TF: variants seen among roughly 807,000 people sequenced by gnomAD.
TF encodes serotransferrin.
TF carries 55 observed loss-of-function variants against 82.4 expected under a neutral mutation model. The ratio of observed to expected loss-of-function variants is 0.67; its 90% CI spans 0.54 to 0.84. TF has a LOEUF of 0.84. Ranked by LOEUF, TF falls within the 40% of genes least tolerant of loss-of-function variation. The probability of loss-of-function intolerance (pLI) is 0.00; values close to 1 mark genes in which losing one functional copy is unlikely to be tolerated. For synonymous variants in TF, 332 were observed against 332.6 expected (o/e 1.00, Z 0.02); for missense variants, 737 against 868.4 (o/e 0.85, Z 1.90).
the TF span, among the ~76,000 whole-genome samples, chr3:133,673,726 C>T: frequency 1.3e-5 from 2 of 151,934 alleles, no homozygotes; most frequent in South Asian, 2.1e-4. Flanking sequence ...TGTTTGTTAA[C>T]GTTTTGTTTC....
chr3:133,787,982 G>A lies in TF; in HGVS notation c.*9362G>A, dbSNP rs1020539881. On this transcript the variant is annotated 3_prime_UTR_variant, in exon 17 of 17. Coordinates refer to ENST00000402696, the MANE Select transcript of TF (RefSeq NM_001063.4). ...GTGACACATGGGCCCATATCCACCA[G>A]GTTGGTGGTGCAGAGGAGCTGGAAG... 1 of 152,274 alleles carries A rather than the reference G, an allele frequency of 6.6e-6. No individual in the cohort carries two copies. The allele number at this position is 152,274 out of a possible 1,614,324, so 9.4% of individuals were successfully genotyped here. A position where few individuals can be genotyped will look rare whatever the true frequency, so the allele number is the denominator to read the frequency against.
intron 3 of TF, chr3:133,753,996 T>G: frequency 1.9e-6 from 1 of 529,832 alleles, no homozygotes; most frequent in South Asian, 2.0e-5. Flanking sequence ...TGCGGTCTAC[T>G]GATATGTCTA....
At chr3:133,676,955 G>A in the TF span, among the ~76,000 whole-genome samples, 2 of 152,186 alleles carry the variant, frequency 1.3e-5, no homozygotes, top group Admixed American at 6.5e-5. Context: ...TCTGGGATAC[G>A]CTTTCTTCAA....
the TF span, among the ~76,000 whole-genome samples, chr3:133,723,270 G>T: frequency 6.6e-6 from 1 of 152,102 alleles, no homozygotes; most frequent in African/African-American, 2.4e-5. Context: ...TTTTTGGGTT[G>T]AATCTAGATG....
At chr3:133,689,451 A>G in the TF span, among the ~76,000 whole-genome samples, 1 of 152,202 alleles carries the variant, frequency 6.6e-6, no homozygotes, top group Non-Finnish European at 1.5e-5. Flanking sequence ...AATATCACAT[A>G]CTTGCATACC....
chr3:133,729,310 C>T, the TF span, among the ~76,000 whole-genome samples: 1 of 152,226 alleles, frequency 6.6e-6, no homozygotes. Flanking sequence ...GTGGGCTCCA[C>T]CCAGTTTGAG....
At position 133,779,118 on chromosome 3, in the gene TF, T is replaced by C; in HGVS notation, c.*498T>C. 1 of 158,054 alleles carries C rather than the reference T, an allele frequency of 6.3e-6. No homozygotes were observed. Among genetic ancestry groups the C allele is most frequent in the Admixed American group, 6.1e-5 (1 of 16,428 alleles). 9.8% of individuals were successfully genotyped at this position (158,054 alleles called of 1,614,324 possible). A position where few individuals can be genotyped will look rare whatever the true frequency, so the allele number is the denominator to read the frequency against. On this transcript the variant is annotated 3_prime_UTR_variant, in exon 17 of 17. Coordinates refer to ENST00000402696, the MANE Select transcript of TF (RefSeq NM_001063.4). ...AGTACTCAAGTGAGTACAGAAAGAC[T>C]ACAGAAGACTTACCTTTATTTGGTA...
At chr3:133,667,338 C>G in the TF span, among the ~76,000 whole-genome samples, 2 of 120,784 alleles carry the variant, frequency 1.7e-5, no homozygotes, top group Non-Finnish European at 3.2e-5. Flanking sequence ...GCCTGAGTGA[C>G]AGAGCAAGAC....
the TF span, among the ~76,000 whole-genome samples, chr3:133,684,272 C>T: frequency 4.6e-5 from 7 of 152,094 alleles, no homozygotes; most frequent in African/African-American, 1.7e-4. Context: ...AATTGACACC[C>T]TAACATCACA....
the TF span, among the ~76,000 whole-genome samples, chr3:133,672,633 G>C: frequency 6.6e-6 from 1 of 151,754 alleles, no homozygotes; most frequent in Non-Finnish European, 1.5e-5. Flanking sequence ...AGGCTGAGGA[G>C]GGAGGATCAC....
rs140038158 is a variant in TF at position 133,777,099 on chromosome 3, C to G, written c.1923C>G (p.Phe641Leu). Residue 641 changes from phenylalanine to leucine, a missense_variant, in exon 16 of 17, where the codon TTC (phenylalanine) becomes TTG (leucine). By Grantham distance (22) the Phe-to-Leu change is conservative (BLOSUM62 0). Transcript: ENST00000402696. ...VTDCSGNFCL[F>L]RSETKDLLFR... ...ACTGCTCGGGCAACTTTTGTTTGTT[C>G]CGGTCGGAAACCAAGGACCTTCTGT... 16 of 1,614,048 alleles carry G rather than the reference C, an allele frequency of 9.9e-6. No homozygotes were observed. The highest frequency in any genetic ancestry group is 1.4e-5 in the Non-Finnish European group (16 of 1,180,038).
At chr3:133,770,870 T>G in intron 14 of TF, 31 of 474,730 alleles carry the variant, frequency 6.5e-5, no homozygotes, top group Middle Eastern at 5.6e-4. Flanking sequence ...AGACAATCTC[T>G]TGCATACCCA....
the TF span, among the ~76,000 whole-genome samples, chr3:133,685,131 A>T: frequency 6.6e-6 from 1 of 152,238 alleles, no homozygotes; most frequent in Non-Finnish European, 1.5e-5. Context: ...GATGCAGAAA[A>T]GGCCTTTGAC....
Position 133,764,296 on chromosome 3 carries a change from C to G in TF, c.1297+21C>G, listed in dbSNP as rs372727099. On this transcript the variant is annotated intron_variant, in intron 10 of 16. Coordinates refer to ENST00000402696, the MANE Select transcript of TF (RefSeq NM_001063.4). ...CAATAGTAAGTGGTGGGGAGCACCT[C>G]TCTGTGTTTTCTTCCCTCAGGGCCA... 529 of 1,595,912 alleles carry G rather than the reference C, an allele frequency of 3.3e-4. 6 individuals carry two copies. The Middle Eastern group carries it at 3.3e-3, about 10-fold the overall frequency.
rs1351898631 is a variant in TF, at chr3:133,757,915, C to T, written c.1017C>T (p.Val339=). ...DAKMYLGYEY[V]TAIRNLREGT... is the part of the protein sequence containing the mutation. Reference sequence around the variant, plus strand: ...AGATGTACCTGGGCTATGAGTATGTCACTGCCATCCGGAATCTACGGGAAG... The same window carrying T: ...AGATGTACCTGGGCTATGAGTATGTTACTGCCATCCGGAATCTACGGGAAG... The change falls in exon 8 of 17, where the codon GTC becomes GTT. Residue 339 remains valine (V), a synonymous_variant. Coordinates refer to ENST00000402696, the MANE Select transcript of TF (RefSeq NM_001063.4). 6.2e-7 allele frequency: 1 copy of T among 1,614,192 alleles called. No individual in the cohort carries two copies. The highest frequency in any genetic ancestry group is 8.5e-7 in the Non-Finnish European group (1 of 1,180,034).
the TF span, among the ~76,000 whole-genome samples, chr3:133,705,085 GC>G: frequency 6.6e-6 from 1 of 152,140 alleles, no homozygotes; most frequent in African/African-American, 2.4e-5. Context: ...GACCAGCCTG[GC>G]CAACATGGCG....
chr3:133,759,064 T>C, intron 8 of TF, 111 bp from the exon 9 acceptor site: 4 of 1,383,604 alleles, frequency 2.9e-6, no homozygotes, highest in Non-Finnish European at 4.1e-6. Context: ...GGGGTCTGTT[T>C]GTTTATTGCT....
At chr3:133,766,894 C>G (rs1934140514) in intron 12 of TF, among the ~76,000 whole-genome samples, 1 of 152,154 alleles carries the variant, frequency 6.6e-6, no homozygotes, top group South Asian at 2.1e-4. Flanking sequence ...TAAAGGAGCT[C>G]TCTAGGAAGT....
the TF span, among the ~76,000 whole-genome samples, chr3:133,740,613 G>C: frequency 2.0e-4 from 31 of 152,214 alleles, no homozygotes; most frequent in African/African-American, 7.2e-4. Flanking sequence ...TTACAGGCAT[G>C]AGCCACCGTG....
Sources: allele counts gnomAD v4.1 joint callset (sites outside exome capture counted in the v4.1 genomes callset), GRCh38; gene constraint gnomAD v4.1.1; transcripts MANE v1.5; gene names NCBI Gene and HGNC (gene_info 2026-07-23, HGNC 2026-07-21).